Variants in THNSL1 observed in about 807,000 individuals in gnomAD.
THNSL1 encodes threonine synthase like 1, also known as threonine synthase-like 1.
Under a neutral mutation model 50.4 loss-of-function variants are expected in THNSL1, and 48 were observed. That is an observed-to-expected ratio of 0.95 (90% CI 0.76 to 1.21). THNSL1 has a LOEUF of 1.21. Ranked by LOEUF, THNSL1 falls within the 50% of genes most tolerant of loss-of-function variation. THNSL1 has a pLI of 0.00. For missense variants in THNSL1, 896 were observed against 871.7 expected (o/e 1.03, Z -0.35); for synonymous variants, 309 against 306.1 (o/e 1.01, Z -0.10).
chr10:24,982,827 A>G, the THNSL1 span: 1 of 152,224 alleles, frequency 6.6e-6, no homozygotes, highest in East Asian at 1.9e-4. Context: ...CATAGAGAAA[A>G]GTCTAGATTC....
At chr10:24,994,243 C>T in the THNSL1 span, among the ~76,000 whole-genome samples, 1 of 150,322 alleles carries the variant, frequency 6.7e-6, no homozygotes, top group Non-Finnish European at 1.5e-5. Context: ...TTTTCTTTAT[C>T]TCTCTCTTCC....
chr10:24,967,793 TG>T, the THNSL1 span, among the ~76,000 whole-genome samples: 5 of 151,914 alleles, frequency 3.3e-5, no homozygotes, highest in African/African-American at 1.2e-4. Context: ...GTGCGTATGA[TG>T]TGTGTATGAT....
At chr10:25,019,952 G>A (rs1234543665) in intron 1 of THNSL1, among the ~76,000 whole-genome samples, 1 of 151,966 alleles carries the variant, frequency 6.6e-6, no homozygotes, top group Non-Finnish European at 1.5e-5. Context: ...TGCCTTCTAT[G>A]TATATTCCCG....
At position 25,023,932 on chromosome 10, in the gene THNSL1, G is replaced by A. The variant is rs200544875; in HGVS notation, c.709G>A (p.Val237Ile). The change falls in exon 3 of 3, where the codon GTT (valine) becomes ATT (isoleucine). Residue 237 changes from valine to isoleucine, a missense_variant. Val to Ile is a conservative substitution (Grantham distance 29, BLOSUM62 3). Transcript: ENST00000376356. ...GGAAACATTCATTTCAACAAGACAC[G>A]TTTGGCCTGAAGACTGTGAACAGAA... is the stretch of plus-strand genomic sequence containing the variant. ...DSETFISTRH[V>I]WPEDCEQKVS... 1,125 of 1,614,162 alleles carry A rather than the reference G, an allele frequency of 7.0e-4. 3 individuals carry two copies. Among genetic ancestry groups the A allele is most frequent in the Non-Finnish European group, 8.9e-4 (1,047 of 1,180,018 alleles).
At chr10:24,973,732 T>G in the THNSL1 span, among the ~76,000 whole-genome samples, 1 of 152,112 alleles carries the variant, frequency 6.6e-6, no homozygotes, top group East Asian at 1.9e-4. Flanking sequence ...GGTTTTTTTT[T>G]CCTTTGATTT....
At chr10:24,952,829 C>T in the THNSL1 span, among the ~76,000 whole-genome samples, 2 of 151,666 alleles carry the variant, frequency 1.3e-5, no homozygotes, top group African/African-American at 4.8e-5. This position sits in a 1 kb window ranked among gnomAD's most constrained non-coding sequence, Gnocchi z 5.1. Context: ...CTACCGCTCC[C>T]CCTGAGCGCG....
the THNSL1 span, chr10:24,984,962 T>C: frequency 3.8e-6 from 5 of 1,322,264 alleles, no homozygotes; most frequent in Non-Finnish European, 4.3e-6. Context: ...GTAAAGGAAA[T>C]GGGAAAAGCT....
chr10:25,017,765 A>G (rs1010438303), intron 1 of THNSL1, among the ~76,000 whole-genome samples: 1 of 152,156 alleles, frequency 6.6e-6, no homozygotes, highest in East Asian at 1.9e-4. Context: ...CTAGATCCAA[A>G]TCTATATCAC....
In THNSL1 at chr10:25,024,325, C is replaced by A. The variant is rs41279892; in HGVS notation, c.1102C>A (p.Pro368Thr). The change falls in exon 3 of 3, where the codon CCA becomes ACA. Residue 368 changes from proline (P) to threonine (T), a missense_variant. Transcript: ENST00000376356. ...MPHIFAHCIP[P>T]SCNYMILVAT... Reference sequence around the variant, plus strand: ...TCATATTTTTGCACACTGTATCCCACCAAGTTGCAATTATATGATACTTGT... The same window carrying A: ...TCATATTTTTGCACACTGTATCCCAACAAGTTGCAATTATATGATACTTGT... 33,974 of 1,614,170 alleles carry A rather than the reference C, an allele frequency of 0.021. 443 individuals carry two copies. The highest frequency in any genetic ancestry group is 0.024 in the Non-Finnish European group (28,607 of 1,180,026).
the THNSL1 span, among the ~76,000 whole-genome samples, chr10:25,008,531 AAGT>A: frequency 6.6e-6 from 1 of 152,246 alleles, no homozygotes. Context: ...ATAAAGCAGA[AAGT>A]AGTCCAAGAA....
At chr10:24,966,196 A>G in the THNSL1 span, among the ~76,000 whole-genome samples, 1 of 152,246 alleles carries the variant, frequency 6.6e-6, no homozygotes, top group Non-Finnish European at 1.5e-5. Flanking sequence ...CATCCAGAAA[A>G]CAGAAAATCA....
At chr10:24,972,806 G>A in the THNSL1 span, among the ~76,000 whole-genome samples, 1 of 152,208 alleles carries the variant, frequency 6.6e-6, no homozygotes, top group Non-Finnish European at 1.5e-5. Context: ...TGAGAGGAAA[G>A]TGATCAAGAT....
the THNSL1 span, among the ~76,000 whole-genome samples, chr10:24,956,276 C>G: frequency 6.6e-6 from 1 of 151,902 alleles, no homozygotes; most frequent in African/African-American, 2.4e-5. Context: ...GTTTTTTGAT[C>G]CTTACCCTCC....
chr10:24,969,323 G>C, the THNSL1 span, among the ~76,000 whole-genome samples: 2 of 152,146 alleles, frequency 1.3e-5, no homozygotes, highest in Non-Finnish European at 1.5e-5. Context: ...TGAGTGTTAC[G>C]TACTTAAGAT....
At chr10:24,956,917 A>G in the THNSL1 span, among the ~76,000 whole-genome samples, 1 of 152,140 alleles carries the variant, frequency 6.6e-6, no homozygotes, top group African/African-American at 2.4e-5. Context: ...TGAACCGCAC[A>G]TGGGAGGGAT....
At chr10:24,959,136 T>C in the THNSL1 span, among the ~76,000 whole-genome samples, 1 of 152,214 alleles carries the variant, frequency 6.6e-6, no homozygotes, top group African/African-American at 2.4e-5. Flanking sequence ...CAGCCAGTGC[T>C]GAGTTTCTAA....
intron 1 of THNSL1, among the ~76,000 whole-genome samples, chr10:25,020,238 A>ATATATCTATATTTATATC (rs1554772120): frequency 1.3e-4 from 16 of 126,564 alleles, no homozygotes; most frequent in African/African-American, 3.9e-4. Flanking sequence ...TTTCTTTAAA[A>ATATATCTATATTTATATC]TATATCTATA....
chr10:25,008,587 A>G, the THNSL1 span, among the ~76,000 whole-genome samples: 1 of 152,238 alleles, frequency 6.6e-6, no homozygotes, highest in Non-Finnish European at 1.5e-5. Context: ...ATGTGTTACA[A>G]TTAATCACAA....
At chr10:24,983,836 A>G in the THNSL1 span, 1 of 152,222 alleles carries the variant, frequency 6.6e-6, no homozygotes, top group African/African-American at 2.4e-5. Flanking sequence ...AAATTTCATA[A>G]AATAACCTTT....
Sources: gnomAD v4.1 joint callset for allele counts (sites outside exome capture counted in the v4.1 genomes callset) on GRCh38, gnomAD v4.1.1 for gene constraint, Gnocchi (gnomAD v3.1) non-coding constraint, MANE v1.5 for transcripts, NCBI Gene and HGNC (gene_info 2026-07-23, HGNC 2026-07-21) for gene names.